The following ZBTB20 variants were observed in gnomAD, a reference collection of about 807,000 sequenced individuals.
ZBTB20 encodes the protein zinc finger and BTB domain-containing protein 20.
ZBTB20 carries 9 observed loss-of-function variants against 56.9 expected under a neutral mutation model. The ratio of observed to expected loss-of-function variants is 0.16; its 90% CI spans 0.10 to 0.28. ZBTB20 has a LOEUF of 0.28. Ranked by LOEUF, ZBTB20 falls within the 10% of genes least tolerant of loss-of-function variation. The pLI, the probability that ZBTB20 is intolerant of heterozygous loss-of-function variation, is 1.00. For missense variants in ZBTB20, 655 were observed against 1,003.0 expected (o/e 0.65, Z 4.69); for synonymous variants, 417 against 420.7 (o/e 0.99, Z 0.11).
chr3:115,016,163 G>A (rs2079947316), intron 2 of ZBTB20, among the ~76,000 whole-genome samples: 1 of 151,910 alleles, frequency 6.6e-6, no homozygotes, highest in Non-Finnish European at 1.5e-5. Context: ...TAATGGGATT[G>A]TTTGTTTTTT....
chr3:114,407,886 G>A (rs965203547), intron 7 of ZBTB20, among the ~76,000 whole-genome samples: 1 of 149,494 alleles, frequency 6.7e-6, no homozygotes, highest in African/African-American at 2.5e-5. Context: ...AGGAAGGATG[G>A]GGGAAACCAA....
intron 3 of ZBTB20, among the ~76,000 whole-genome samples, chr3:114,950,005 T>G (rs536002750): frequency 1.7e-4 from 26 of 152,262 alleles, no homozygotes; most frequent in South Asian, 4.1e-4. Flanking sequence ...GACGCTTAAT[T>G]TCACTAATCA....
intron 4 of ZBTB20, among the ~76,000 whole-genome samples, chr3:114,869,234 C>T (rs577568045): frequency 2.6e-5 from 4 of 152,228 alleles, no homozygotes; most frequent in Middle Eastern, 3.4e-3. Context: ...CTTAGAAGCT[C>T]GCTCAAAATC....
chr3:114,662,733 C>T (rs1297467209), intron 6 of ZBTB20, among the ~76,000 whole-genome samples: 1 of 150,010 alleles, frequency 6.7e-6, no homozygotes, highest in Non-Finnish European at 1.5e-5. Flanking sequence ...ATGTCCTTCG[C>T]CCACTTTTTG....
chr3:114,920,663 C>A (rs2075922648), intron 3 of ZBTB20, among the ~76,000 whole-genome samples: 2 of 151,810 alleles, frequency 1.3e-5, no homozygotes, highest in Non-Finnish European at 2.9e-5. Flanking sequence ...GAAGAAAAAT[C>A]TCAAACAACT....
At chr3:114,682,413 T>G (rs1175446691) in intron 6 of ZBTB20, among the ~76,000 whole-genome samples, 1 of 152,166 alleles carries the variant, frequency 6.6e-6, no homozygotes, top group Non-Finnish European at 1.5e-5. Context: ...GTAGTACTCC[T>G]TTTTTGAGAT....
chr3:114,513,003 C>T (rs2045581007), intron 6 of ZBTB20, among the ~76,000 whole-genome samples: 1 of 152,082 alleles, frequency 6.6e-6, no homozygotes, highest in Non-Finnish European at 1.5e-5. Flanking sequence ...AAGGAGTTAC[C>T]CTCTCCACTA....
chr3:114,593,460 C>T (rs976034429), intron 6 of ZBTB20, among the ~76,000 whole-genome samples: 1 of 150,968 alleles, frequency 6.6e-6, no homozygotes, highest in Non-Finnish European at 1.5e-5. Flanking sequence ...TCTCGGCTCA[C>T]CGCAATCTCT....
intron 6 of ZBTB20, among the ~76,000 whole-genome samples, chr3:114,593,487 C>A (rs1458582951): frequency 6.7e-6 from 1 of 150,000 alleles, no homozygotes; most frequent in East Asian, 2.0e-4. Flanking sequence ...GGGGTTTAAG[C>A]GATTCTCTTG....
chr3:114,594,253 A>C (rs2056099287), intron 6 of ZBTB20, among the ~76,000 whole-genome samples: 1 of 151,470 alleles, frequency 6.6e-6, no homozygotes, highest in Admixed American at 6.6e-5. Context: ...AAGCAAACAT[A>C]ATTTCTCATA....
At chr3:114,566,627 C>A (rs1008790281) in intron 6 of ZBTB20, among the ~76,000 whole-genome samples, 1 of 152,188 alleles carries the variant, frequency 6.6e-6, no homozygotes, top group Non-Finnish European at 1.5e-5. Context: ...AATCTAAGAG[C>A]TGCCCATTCA....
At position 114,953,228 on chromosome 3, in the gene ZBTB20, G is replaced by A. The variant is rs187336577; in HGVS notation, c.-456+21138C>T. On this transcript the variant is annotated intron_variant, in intron 3 of 11. Transcript: ENST00000675478. ...AAAAACAACTATACAAAGAAATATC[G>A]TCAGAAGAACAATAGATAAATTTAA... 4.0e-3 allele frequency among the ~76,000 whole-genome samples: 588 copies of A among 148,522 alleles called. 3 individuals carry two copies. Among genetic ancestry groups the A allele is most frequent in the African/African-American group, 0.013 (539 of 41,118 alleles).
chr3:114,600,363 C>A (rs1440432463), intron 6 of ZBTB20, among the ~76,000 whole-genome samples: 1 of 151,988 alleles, frequency 6.6e-6, no homozygotes, highest in Admixed American at 6.6e-5. Flanking sequence ...TTACCTCTCT[C>A]TCCTCAGGCT....
chr3:114,391,797 A>T (rs1458978740), intron 7 of ZBTB20, among the ~76,000 whole-genome samples: 1 of 152,060 alleles, frequency 6.6e-6, no homozygotes, highest in African/African-American at 2.4e-5. Context: ...AGATGAAGGG[A>T]ACTGACTTGC....
At chr3:114,785,177 G>A (rs151095489) in intron 5 of ZBTB20, among the ~76,000 whole-genome samples, 1 of 152,162 alleles carries the variant, frequency 6.6e-6, no homozygotes, top group Admixed American at 6.5e-5. Context: ...TCCTTCAGCT[G>A]AAATAGGAGT....
At chr3:115,077,608 A>G (rs1182566717) in intron 1 of ZBTB20, among the ~76,000 whole-genome samples, 1 of 152,246 alleles carries the variant, frequency 6.6e-6, no homozygotes, top group African/African-American at 2.4e-5. Flanking sequence ...AAGTAGACAT[A>G]CAAATGGCCA....
intron 6 of ZBTB20, among the ~76,000 whole-genome samples, chr3:114,561,901 T>C (rs1272373172): frequency 2.6e-5 from 4 of 152,208 alleles, no homozygotes; most frequent in African/African-American, 9.6e-5. Flanking sequence ...GACTATTTCA[T>C]CTATATTGAG....
intron 4 of ZBTB20, among the ~76,000 whole-genome samples, chr3:114,825,022 C>G (rs2073451622): frequency 6.6e-6 from 1 of 151,630 alleles, no homozygotes; most frequent in African/African-American, 2.4e-5. Flanking sequence ...ATCTTAATAC[C>G]CTGATGAAAA....
intron 2 of ZBTB20, among the ~76,000 whole-genome samples, chr3:115,040,779 C>A (rs995192307): frequency 2.6e-5 from 4 of 152,094 alleles, no homozygotes; most frequent in African/African-American, 9.7e-5. Flanking sequence ...GTGTGAGAAA[C>A]TCATTTCTAT....
Sources: allele counts gnomAD v4.1 joint callset (sites outside exome capture counted in the v4.1 genomes callset), GRCh38; gene constraint gnomAD v4.1.1; transcripts MANE v1.5; gene names NCBI Gene and HGNC (gene_info 2026-07-23, HGNC 2026-07-21).